SPOP: variants seen among roughly 807,000 people sequenced by gnomAD.
The protein encoded by SPOP is speckle type BTB/POZ protein.
In SPOP, 11 loss-of-function variants were observed where a neutral mutation model predicts 45.6. The observed-to-expected ratio is 0.24, with a 90% CI of 0.15 to 0.40. The LOEUF is 0.40. Ranked by LOEUF, SPOP falls within the 10% of genes least tolerant of loss-of-function variation. The pLI is 1.00. For missense variants in SPOP, 152 were observed against 465.6 expected (o/e 0.33, Z 6.20); for synonymous variants, 166 against 166.3 (o/e 1.00, Z 0.01).
At chr17:49,627,254 C>T (rs368946396) in intron 1 of SPOP, among the ~76,000 whole-genome samples, 3 of 152,212 alleles carry the variant, frequency 2.0e-5, no homozygotes, top group Non-Finnish European at 4.4e-5. Context: ...TTGGGCCTCC[C>T]TGGCTTGTGC....
intron 1 of SPOP, among the ~76,000 whole-genome samples, chr17:49,638,458 G>A (rs571105829): frequency 6.6e-6 from 1 of 152,140 alleles, no homozygotes; most frequent in East Asian, 1.9e-4. Context: ...GCATGGTGGT[G>A]CACGCCTGTA....
At chr17:49,627,756 C>A (rs2072365456) in intron 1 of SPOP, among the ~76,000 whole-genome samples, 1 of 152,166 alleles carries the variant, frequency 6.6e-6, no homozygotes, top group Non-Finnish European at 1.5e-5. Context: ...CTACTTTGAT[C>A]TTGACCATTT....
At position 49,622,887 on chromosome 17, in the gene SPOP, C is replaced by A; in HGVS notation, c.-66-11G>T. On this transcript the variant is annotated splice_polypyrimidine_tract_variant and intron_variant, in intron 1 of 9. Transcript: ENST00000504102. ...TGTTCCCTCTTCACCCTGGTCAGAT[C>A]CAAGAAGCAAGAAAACTTTATTAGA... 8.4e-7 allele frequency: 1 copy of A among 1,194,520 alleles called. No individual in the cohort carries two copies. Among genetic ancestry groups the A allele is most frequent in the Non-Finnish European group, 1.2e-6 (1 of 801,616 alleles). 74.0% of individuals were successfully genotyped at this position (1,194,520 alleles called of 1,614,324 possible).
chr17:49,647,524 A>C (rs1268877059), intron 1 of SPOP, among the ~76,000 whole-genome samples: 1 of 151,824 alleles, frequency 6.6e-6, no homozygotes, highest in Non-Finnish European at 1.5e-5. Flanking sequence ...TCTGTCACCC[A>C]GTCTAGAATG....
intron 1 of SPOP, among the ~76,000 whole-genome samples, chr17:49,649,554 C>T (rs995953628): frequency 1.4e-4 from 21 of 148,686 alleles, no homozygotes; most frequent in African/African-American, 5.0e-4. Flanking sequence ...AAGAAGAGGC[C>T]GGGCGCGGTG....
intron 1 of SPOP, among the ~76,000 whole-genome samples, chr17:49,659,387 A>T (rs1282108062): frequency 6.6e-6 from 1 of 152,172 alleles, no homozygotes; most frequent in Non-Finnish European, 1.5e-5. Context: ...AGCTCCTCCG[A>T]CAGCTTCGTA....
chr17:49,660,817 T>A (rs1354893440), intron 1 of SPOP, among the ~76,000 whole-genome samples: 1 of 151,914 alleles, frequency 6.6e-6, no homozygotes, highest in Non-Finnish European at 1.5e-5. Flanking sequence ...TACAAAAAAA[T>A]TAGCCAGGTG....
At chr17:49,636,973 T>C (rs952404149) in intron 1 of SPOP, among the ~76,000 whole-genome samples, 3 of 152,222 alleles carry the variant, frequency 2.0e-5, no homozygotes, top group African/African-American at 7.2e-5. Context: ...TTACCATTCT[T>C]AGGCCAAGGT....
chr17:49,630,220 T>C (rs1235604648), intron 1 of SPOP, among the ~76,000 whole-genome samples: 9 of 152,204 alleles, frequency 5.9e-5, no homozygotes, highest in Admixed American at 5.2e-4. Flanking sequence ...TGTAAGACTT[T>C]TGTATACTAA....
intron 1 of SPOP, among the ~76,000 whole-genome samples, chr17:49,631,281 T>C (rs546553543): frequency 6.6e-6 from 1 of 152,300 alleles, no homozygotes; most frequent in South Asian, 2.1e-4. Flanking sequence ...ATAATATGCA[T>C]CTCTTAAAAA....
chr17:49,639,577 G>C (rs2072608387), intron 1 of SPOP, among the ~76,000 whole-genome samples: 1 of 152,020 alleles, frequency 6.6e-6, no homozygotes, highest in Non-Finnish European at 1.5e-5. Flanking sequence ...ATAGTAACAT[G>C]GATGAAAGTT....
chr17:49,657,459 C>T (rs566620790), intron 1 of SPOP, among the ~76,000 whole-genome samples: 2 of 152,042 alleles, frequency 1.3e-5, no homozygotes, highest in South Asian at 4.2e-4. Flanking sequence ...AGTACAATGG[C>T]GTGATCTCGG....
chr17:49,600,475 A>G lies in SPOP; in HGVS notation c.1028T>C (p.Val343Ala), dbSNP rs1261567055. The change falls in exon 10 of 10, where the codon GTG becomes GCG. Residue 343 changes from valine to alanine, a missense_variant. Physicochemically the swap from Val to Ala is moderately conservative, Grantham distance 64. Coordinates refer to ENST00000504102, the MANE Select transcript of SPOP (RefSeq NM_001007228.2). The surrounding 1 kb of genome is among the most constrained non-coding windows in gnomAD (Gnocchi z 4.2). ...LETSGWKSMV[V>A]SHPHLVAEAY... ...CTCAGCCACCAAGTGGGGATGTGAC[A>G]CCACCATTGACTTCCACCCAGAGGT... 3 of 1,614,032 alleles carry G rather than the reference A, an allele frequency of 1.9e-6. No homozygotes were observed. The African/African-American group carries it at 4.0e-5, about 22-fold the overall frequency.
At chr17:49,606,747 G>C (rs1472369913) in intron 8 of SPOP, among the ~76,000 whole-genome samples, 1 of 151,860 alleles carries the variant, frequency 6.6e-6, no homozygotes, top group Admixed American at 6.6e-5. Flanking sequence ...CACCTGCCTC[G>C]GCCTCCGATA....
intron 1 of SPOP, among the ~76,000 whole-genome samples, chr17:49,666,133 T>C (rs1168248404): frequency 2.6e-5 from 4 of 151,996 alleles, no homozygotes; most frequent in Non-Finnish European, 5.9e-5. Context: ...TGGTATGGAA[T>C]AGAGAAAATA....
intron 1 of SPOP, among the ~76,000 whole-genome samples, chr17:49,665,634 TTA>T (rs1441924458): frequency 9.4e-6 from 1 of 106,854 alleles, no homozygotes; most frequent in East Asian, 2.8e-4. Flanking sequence ...CAAAAAAAGA[TTA>T]TATATATATA....
At chr17:49,608,622 T>A (rs1597908228) in intron 6 of SPOP, among the ~76,000 whole-genome samples, 1 of 152,134 alleles carries the variant, frequency 6.6e-6, no homozygotes. Context: ...ATAATGAAGG[T>A]TGGAAGGTTG....
At chr17:49,637,369 A>C (rs919996704) in intron 1 of SPOP, among the ~76,000 whole-genome samples, 4 of 151,902 alleles carry the variant, frequency 2.6e-5, no homozygotes, top group Admixed American at 2.0e-4. Flanking sequence ...CTTTTTTTTG[A>C]GATGAAATCT....
chr17:49,657,968 T>C (rs2072937618), intron 1 of SPOP, among the ~76,000 whole-genome samples: 1 of 152,138 alleles, frequency 6.6e-6, no homozygotes, highest in Admixed American at 6.6e-5. Flanking sequence ...CCCAAAGTGC[T>C]GGGATTACAG....
Sources: allele counts gnomAD v4.1 joint callset (sites outside exome capture counted in the v4.1 genomes callset), GRCh38; gene constraint gnomAD v4.1.1; non-coding constraint Gnocchi (gnomAD v3.1); transcripts MANE v1.5; gene names NCBI Gene and HGNC (gene_info 2026-07-23, HGNC 2026-07-21).